MAPKAP1: variants seen among roughly 807,000 people sequenced by gnomAD.
The protein encoded by MAPKAP1 is MAPK associated protein 1.
Under a neutral mutation model 65.7 loss-of-function variants are expected in MAPKAP1, and 20 were observed. The observed-to-expected ratio is 0.30, with a 90% CI of 0.21 to 0.44. MAPKAP1 has a LOEUF of 0.44. Ranked by LOEUF, MAPKAP1 falls within the 20% of genes least tolerant of loss-of-function variation. The pLI is 1.00. For missense variants in MAPKAP1, 423 were observed against 648.0 expected, an observed-to-expected ratio of 0.65 and a Z score of 3.77; for synonymous variants, 222 against 244.3, an observed-to-expected ratio of 0.91 and a Z score of 0.85.
chr9:125,451,845 T>C (rs1236906617), intron 10 of MAPKAP1, among the ~76,000 whole-genome samples: 1 of 145,454 alleles, frequency 6.9e-6, no homozygotes, highest in Non-Finnish European at 1.5e-5. Context: ...AGTCTCGCTC[T>C]ATCCCCCAGG....
intron 4 of MAPKAP1, among the ~76,000 whole-genome samples, chr9:125,651,886 C>T (rs1833903977): frequency 6.6e-6 from 1 of 152,128 alleles, no homozygotes; most frequent in African/African-American, 2.4e-5. Flanking sequence ...GGCTGAAGGC[C>T]ACTGCCTCAG....
intron 8 of MAPKAP1, among the ~76,000 whole-genome samples, chr9:125,489,388 G>T (rs966624927): frequency 6.6e-6 from 1 of 152,138 alleles, no homozygotes; most frequent in Non-Finnish European, 1.5e-5. Context: ...TTTTGTCAAA[G>T]TCGGGAGGGT....
Position 125,644,018 on chromosome 9 carries a change from G to C in MAPKAP1, c.498+13633C>G, listed in dbSNP as rs546430813. Reference sequence around the variant, plus strand: ...AGGAAATATCAAGTCTTAAATTTAAGAACAAGCCTTAACTCAATTAGAGCT... The same window carrying C: ...AGGAAATATCAAGTCTTAAATTTAACAACAAGCCTTAACTCAATTAGAGCT... On this transcript the variant is annotated intron_variant, in intron 4 of 11. Coordinates refer to ENST00000265960, the MANE Select transcript of MAPKAP1 (RefSeq NM_001006617.3). Among the ~76,000 whole-genome samples the C allele has an allele frequency of 3.3e-5, 5 of 152,272 alleles. No individual in the cohort carries two copies. The South Asian group carries it at 8.3e-4, about 25-fold the overall frequency.
In MAPKAP1 at chr9:125,506,513, C is replaced by T. The variant is rs903056710; in HGVS notation, c.959-96G>A. ...CATACTGGTGAAAAGCTGATAAAGC[C>T]TTAGTAAAGTGTTAAAGTCTGTCTT... On this transcript the variant is annotated intron_variant, in intron 7 of 11. Transcript: ENST00000265960. The T allele has an allele frequency of 7.0e-5, 72 of 1,026,232 alleles. No homozygotes were observed. The Admixed American group carries it at 1.1e-3, about 16-fold the overall frequency. The allele number at this position is 1,026,232 out of a possible 1,614,324, so 63.6% of individuals were successfully genotyped here. A position where few individuals can be genotyped will look rare whatever the true frequency, so the allele number is the denominator to read the frequency against.
intron 8 of MAPKAP1, chr9:125,506,008 T>C (rs765469736): frequency 7.2e-5 from 29 of 400,944 alleles, no homozygotes; most frequent in Non-Finnish European, 1.2e-4. Context: ...AAATAGCCTT[T>C]ACTTCAGAAA....
chr9:125,472,443 C>T (rs1405664119), intron 9 of MAPKAP1, among the ~76,000 whole-genome samples: 7 of 152,150 alleles, frequency 4.6e-5, no homozygotes, highest in Non-Finnish European at 1.0e-4. Flanking sequence ...ATTTTTTGTT[C>T]ATACATGGCA....
chr9:125,470,134 T>G (rs572452394), intron 9 of MAPKAP1, among the ~76,000 whole-genome samples: 50 of 152,360 alleles, frequency 3.3e-4, no homozygotes, highest in African/African-American at 1.2e-3. Flanking sequence ...CTCTTGAAGC[T>G]GTAGTCAGTC....
At chr9:125,682,563 G>A (rs957464748) in intron 1 of MAPKAP1, among the ~76,000 whole-genome samples, 15 of 152,166 alleles carry the variant, frequency 9.9e-5, no homozygotes, top group African/African-American at 3.6e-4. Flanking sequence ...TGCCAGTTCG[G>A]TATAATGTGG....
chr9:125,698,825 A>AATT (rs1361782903), intron 1 of MAPKAP1, among the ~76,000 whole-genome samples: 3 of 152,188 alleles, frequency 2.0e-5, no homozygotes, highest in African/African-American at 4.8e-5. Context: ...TTCACATAAT[A>AATT]GCTTAAAAAC....
chr9:125,581,661 T>C (rs1353414614), intron 5 of MAPKAP1, among the ~76,000 whole-genome samples: 3 of 152,230 alleles, frequency 2.0e-5, no homozygotes, highest in Non-Finnish European at 1.5e-5. Context: ...CAGGGTCTTT[T>C]GCAGAGCAAA....
chr9:125,440,735 C>T (rs1454443475), intron 11 of MAPKAP1, among the ~76,000 whole-genome samples: 5 of 152,206 alleles, frequency 3.3e-5, no homozygotes, highest in South Asian at 2.1e-4. Context: ...CCCGCTGCCT[C>T]GCCAAGTTAC....
intron 1 of MAPKAP1, among the ~76,000 whole-genome samples, chr9:125,698,330 TATATATAAA>T (rs1835490506): frequency 2.0e-5 from 2 of 101,120 alleles, no homozygotes; most frequent in South Asian, 3.0e-4. Context: ...TATATATATA[TATATATAAA>T]ATATATATAT....
chr9:125,626,213 GA>G (rs1421358077), intron 4 of MAPKAP1, among the ~76,000 whole-genome samples: 3 of 152,178 alleles, frequency 2.0e-5, no homozygotes, highest in Non-Finnish European at 4.4e-5. Flanking sequence ...AGAAATACTG[GA>G]AAGAACACTT....
intron 4 of MAPKAP1, among the ~76,000 whole-genome samples, chr9:125,588,234 A>G (rs1831848009): frequency 6.6e-6 from 1 of 152,232 alleles, no homozygotes; most frequent in African/African-American, 2.4e-5. Flanking sequence ...ATGAGAAAGA[A>G]TGAAGTACTG....
In MAPKAP1 at chr9:125,464,204, T is replaced by TTAAAAAA. The variant is rs1554805633; in HGVS notation, c.1345+3767_1345+3768insTTTTTTA. On this transcript the variant is annotated intron_variant, in intron 10 of 11. Transcript: ENST00000265960. ...CACAGTGAGACCCTGTCTCATATAT[T>TTAAAAAA]AAAAAAAAAAAAAAAAAAAAAAAAA... Among the ~76,000 whole-genome samples the TTAAAAAA allele has an allele frequency of 4.3e-3, 356 of 83,302 alleles. 59 individuals carry two copies. Among genetic ancestry groups the TTAAAAAA allele is most frequent in the Non-Finnish European group, 6.8e-3 (292 of 43,230 alleles). 54.6% of individuals were successfully genotyped at this position (83,302 alleles called of 152,430 possible).
intron 4 of MAPKAP1, among the ~76,000 whole-genome samples, chr9:125,589,586 A>T (rs1831892588): frequency 1.3e-5 from 2 of 152,198 alleles, no homozygotes; most frequent in South Asian, 4.1e-4. Context: ...GGACTTGAGC[A>T]ATCATGCGGT....
chr9:125,494,567 T>G lies in MAPKAP1; in HGVS notation c.1067-9984A>C, dbSNP rs143384103. On this transcript the variant is annotated intron_variant, in intron 8 of 11. Coordinates refer to ENST00000265960, the MANE Select transcript of MAPKAP1 (RefSeq NM_001006617.3). ...AAGAAACAGTTTCAGGTTTGTAGAA[T>G]TTCGAAAAAGAGCAGATCATGGAAG... 3.3e-5 allele frequency among the ~76,000 whole-genome samples: 5 copies of G among 152,266 alleles called. No homozygotes were observed. The East Asian group carries it at 9.6e-4, about 29-fold the overall frequency.
chr9:125,466,744 G>A (rs1853694627), intron 10 of MAPKAP1, among the ~76,000 whole-genome samples: 1 of 152,102 alleles, frequency 6.6e-6, no homozygotes, highest in Admixed American at 6.5e-5. Flanking sequence ...GGAAGGGAGT[G>A]GGGTGGCCTT....
Position 125,598,277 on chromosome 9 carries a change from A to T in MAPKAP1, c.499-12550T>A, listed in dbSNP as rs1022272087. Reference sequence around the variant, plus strand: ...GTAGTGCTATCTTAATCTTCAATAAATCTGGAATGCTTAAAGGCTATTAAA... The same window carrying T: ...GTAGTGCTATCTTAATCTTCAATAATTCTGGAATGCTTAAAGGCTATTAAA... On this transcript the variant is annotated intron_variant, in intron 4 of 11. Coordinates refer to ENST00000265960, the MANE Select transcript of MAPKAP1 (RefSeq NM_001006617.3). 7.2e-5 allele frequency among the ~76,000 whole-genome samples: 11 copies of T among 152,176 alleles called. No individual in the cohort carries two copies. In the South Asian group the frequency reaches 2.3e-3, roughly 31 times the overall value.
Sources: allele counts gnomAD v4.1 joint callset (sites outside exome capture counted in the v4.1 genomes callset), GRCh38; gene constraint gnomAD v4.1.1; transcripts MANE v1.5; gene names NCBI Gene and HGNC (gene_info 2026-07-23, HGNC 2026-07-21).